The following TENM4 variants were observed in gnomAD, a reference collection of about 807,000 sequenced individuals.
The protein encoded by TENM4 is teneurin-4.
TENM4 carries 82 observed loss-of-function variants against 243.3 expected under a neutral mutation model. That is an observed-to-expected ratio of 0.34 (90% CI 0.28 to 0.40). The LOEUF (loss-of-function observed/expected upper bound fraction) is 0.40, where lower values mean the gene tolerates loss of function less well. Among genes scored for constraint, TENM4 ranks in the 10% least tolerant of loss-of-function variants. TENM4 has a pLI of 1.00. For missense variants in TENM4, 3,138 were observed against 3,673.3 expected (o/e 0.85, Z 3.77); for synonymous variants, 1,412 against 1,456.3 (o/e 0.97, Z 0.69).
At position 79,006,756 on chromosome 11, in the gene TENM4, C is replaced by A. The variant is rs368391863; in HGVS notation, c.493+57982G>T. Among the ~76,000 whole-genome samples the A allele has an allele frequency of 7.2e-5, 11 of 152,316 alleles. No individual in the cohort carries two copies. The South Asian group carries it at 2.1e-3, about 29-fold the overall frequency. On this transcript the variant is annotated intron_variant, in intron 6 of 33. Transcript: ENST00000278550. ...AGAAAACTCTGAATGTGAAAAAGCA[C>A]ATAGAACATTGAATTTTCTTAGAAG...
In TENM4 at chr11:79,033,591, T is replaced by C. The variant is rs138562702; in HGVS notation, c.493+31147A>G. Among the ~76,000 whole-genome samples the C allele has an allele frequency of 3.9e-5, 6 of 152,326 alleles. No homozygotes were observed. In the East Asian group the frequency reaches 1.2e-3, roughly 29 times the overall value. ...CCTGGTCCATCCACCAAGCTGTGTC[T>C]TGCACCATAAACAGTCTCTTTCCAG... On this transcript the variant is annotated intron_variant, in intron 6 of 33. Transcript: ENST00000278550.
intron 28 of TENM4, among the ~76,000 whole-genome samples, chr11:78,690,300 T>G (rs1377627827): frequency 2.6e-5 from 4 of 152,180 alleles, no homozygotes; most frequent in African/African-American, 9.7e-5. Context: ...CTCTCAGAGC[T>G]CTGCTCCCTT....
chr11:78,942,045 C>G (rs1856907515), intron 6 of TENM4, among the ~76,000 whole-genome samples: 1 of 148,144 alleles, frequency 6.8e-6, no homozygotes, highest in Non-Finnish European at 1.5e-5. Flanking sequence ...CTGGGCCATA[C>G]TGGAAGAAAA....
intron 6 of TENM4, among the ~76,000 whole-genome samples, chr11:79,051,648 A>G (rs1859795582): frequency 6.6e-6 from 1 of 152,208 alleles, no homozygotes; most frequent in Non-Finnish European, 1.5e-5. Context: ...TAAAATGGGA[A>G]TAACAACCCC....
chr11:78,817,300 A>C (rs76401418), intron 12 of TENM4, among the ~76,000 whole-genome samples: 1,849 of 152,316 alleles, frequency 0.012, 23 homozygotes, highest in African/African-American at 0.041. Context: ...AACTATTTTT[A>C]AAGTTTGGAA....
chr11:78,826,015 TCCA>T (rs1857839987), intron 12 of TENM4, among the ~76,000 whole-genome samples: 1 of 151,200 alleles, frequency 6.6e-6, no homozygotes, highest in African/African-American at 2.4e-5. Context: ...CAATCATTTA[TCCA>T]GGCTTGTCAC....
intron 30 of TENM4, 34 bp downstream of exon 30, chr11:78,676,118 C>A (rs527503522): frequency 1.9e-5 from 27 of 1,457,292 alleles, no homozygotes; most frequent in South Asian, 2.8e-5. Flanking sequence ...TTCTTTCCCC[C>A]CAGGACGCAG....
chr11:79,359,063 C>T (rs551920859), intron 1 of TENM4, among the ~76,000 whole-genome samples: 1 of 151,290 alleles, frequency 6.6e-6, no homozygotes, highest in South Asian at 2.1e-4. Flanking sequence ...GCCAATAGTT[C>T]AAGACCAGTC....
rs553283425 is a variant in TENM4, at chr11:78,697,382, C to T, written c.5087+4144G>A. On this transcript the variant is annotated intron_variant, in intron 28 of 33. Coordinates refer to ENST00000278550, the MANE Select transcript of TENM4 (RefSeq NM_001098816.3). ...ACCTCAGAGAAGGAGTTCAAGGAAACGCACGAATTTACCTTTTGTCTGGCT... is the reference window on the plus strand; with the variant it reads ...ACCTCAGAGAAGGAGTTCAAGGAAATGCACGAATTTACCTTTTGTCTGGCT... Among the ~76,000 whole-genome samples the T allele has an allele frequency of 1.6e-4, 24 of 152,210 alleles. No individual in the cohort carries two copies. In the East Asian group the frequency reaches 2.3e-3, roughly 15 times the overall value.
intron 16 of TENM4, among the ~76,000 whole-genome samples, chr11:78,786,609 C>A (rs1856940774): frequency 6.6e-6 from 1 of 152,240 alleles, no homozygotes; most frequent in Non-Finnish European, 1.5e-5. Flanking sequence ...AGCTCCCTGA[C>A]ACAGATCCAT....
intron 1 of TENM4, among the ~76,000 whole-genome samples, chr11:79,432,239 T>C (rs2135614035): frequency 6.6e-6 from 1 of 152,348 alleles, no homozygotes; most frequent in East Asian, 1.9e-4. Context: ...AGAGCTGCCT[T>C]CTTCCTCCCT....
chr11:78,776,873 G>A (rs1856750172), intron 17 of TENM4, among the ~76,000 whole-genome samples: 1 of 151,990 alleles, frequency 6.6e-6, no homozygotes, highest in Non-Finnish European at 1.5e-5. Flanking sequence ...TGGAAATTAT[G>A]GACATTCTCG....
intron 2 of TENM4, among the ~76,000 whole-genome samples, chr11:79,289,106 A>G (rs950644247): frequency 5.3e-5 from 8 of 152,242 alleles, no homozygotes; most frequent in Non-Finnish European, 8.8e-5. Context: ...GACACCATCA[A>G]TAAATGTTTC....
chr11:79,248,830 G>A (rs1855563331), intron 2 of TENM4, among the ~76,000 whole-genome samples: 1 of 152,042 alleles, frequency 6.6e-6, no homozygotes, highest in African/African-American at 2.4e-5. Flanking sequence ...CTCCATTTGA[G>A]GGAAGACAAA....
chr11:78,728,217 T>C lies in TENM4; in HGVS notation c.3406+1159A>G, dbSNP rs527525423. 7.9e-4 allele frequency among the ~76,000 whole-genome samples: 121 copies of C among 152,322 alleles called. 1 individual carries two copies. The highest frequency in any genetic ancestry group is 2.8e-3 in the African/African-American group (117 of 41,578). On this transcript the variant is annotated intron_variant, in intron 22 of 33. Transcript: ENST00000278550. Reference sequence around the variant, plus strand: ...CCCACTGTGCCCTTCTTTGGTAGGATTGTATGCGAACCCATAGGAAAGATC... The same window carrying C: ...CCCACTGTGCCCTTCTTTGGTAGGACTGTATGCGAACCCATAGGAAAGATC...
At chr11:78,995,198 GCA>G (rs1249847966) in intron 6 of TENM4, among the ~76,000 whole-genome samples, 3 of 152,298 alleles carry the variant, frequency 2.0e-5, no homozygotes, top group African/African-American at 7.2e-5. Context: ...ATAATCAAAA[GCA>G]CAGAGACACA....
intron 2 of TENM4, among the ~76,000 whole-genome samples, chr11:79,224,079 G>A (rs1174415548): frequency 4.6e-5 from 7 of 152,152 alleles, no homozygotes; most frequent in Admixed American, 2.0e-4. Context: ...ACTACAATAA[G>A]CAGAAACCCC....
At chr11:79,212,500 A>G (rs558449337) in intron 3 of TENM4, among the ~76,000 whole-genome samples, 7 of 152,210 alleles carry the variant, frequency 4.6e-5, no homozygotes, top group Admixed American at 3.3e-4. Flanking sequence ...TTAATTTTAA[A>G]TTGTTAACCT....
At chr11:79,263,778 T>G (rs2135330531) in intron 2 of TENM4, among the ~76,000 whole-genome samples, 1 of 152,286 alleles carries the variant, frequency 6.6e-6, no homozygotes, top group South Asian at 2.1e-4. Context: ...TTAATGCTAC[T>G]AAAACCAGGG....
Sources: gnomAD v4.1 joint callset for allele counts (sites outside exome capture counted in the v4.1 genomes callset) on GRCh38, gnomAD v4.1.1 for gene constraint, MANE v1.5 for transcripts, NCBI Gene and HGNC (gene_info 2026-07-23, HGNC 2026-07-21) for gene names.